Variants in SYNCRIP observed in about 807,000 individuals in gnomAD.
The protein encoded by SYNCRIP is synaptotagmin binding cytoplasmic RNA interacting protein.
In SYNCRIP, 9 loss-of-function variants were observed where a neutral mutation model predicts 68.9. That is an observed-to-expected ratio of 0.13 (90% confidence interval 0.08 to 0.23). SYNCRIP has a LOEUF of 0.23. Ranked by LOEUF, SYNCRIP falls within the 10% of genes least tolerant of loss-of-function variation. The probability of loss-of-function intolerance (pLI) is 1.00; values close to 1 mark genes in which losing one functional copy is unlikely to be tolerated. For missense variants in SYNCRIP, 414 were observed against 770.6 expected (o/e 0.54, Z 5.48); for synonymous variants, 258 against 254.0 (o/e 1.02, Z -0.15).
Position 85,614,124 on chromosome 6 carries a change from C to CT in SYNCRIP, c.*631dup. 3.0e-6 allele frequency: 3 copies of CT among 985,820 alleles called. No individual in the cohort carries two copies. Among genetic ancestry groups the CT allele is most frequent in the Non-Finnish European group, 3.6e-6 (3 of 829,928 alleles). 61.1% of individuals were successfully genotyped at this position (985,820 alleles called of 1,614,324 possible). On this transcript the variant is annotated 3_prime_UTR_variant, in exon 11 of 11. Transcript: ENST00000369622. ...ACAAGAATTAACAAGGCACAAAACC[C>CT]TTTAATTGGCCTTGACATGCTATAC... is the stretch of plus-strand genomic sequence containing the variant.
intron 4 of SYNCRIP, 146 bp downstream of exon 4, chr6:85,640,074 TA>T (rs1489612126): frequency 2.3e-5 from 14 of 619,444 alleles, no homozygotes; most frequent in Non-Finnish European, 3.6e-5. Flanking sequence ...ACAAATAGTT[TA>T]AAAAAACTTA....
intron 8 of SYNCRIP, among the ~76,000 whole-genome samples, chr6:85,621,475 T>TG (rs985995808): frequency 2.0e-5 from 3 of 151,890 alleles, no homozygotes; most frequent in African/African-American, 7.3e-5. Flanking sequence ...TAGCCAGGTG[T>TG]GGTAGTACAC....
rs1452718400 is a variant in SYNCRIP at position 85,641,448 on chromosome 6, A to G, written c.-9T>C. 6.2e-7 allele frequency: 1 copy of G among 1,610,286 alleles called. No homozygotes were observed. The highest frequency in any genetic ancestry group is 1.7e-5 in the Admixed American group (1 of 59,216). ...ACATGTTCTGTAGCCATGTTTCCAG[A>G]GATCTGTTCAAACGCAATAAGCAAA... On this transcript the variant is annotated 5_prime_UTR_variant, in exon 2 of 11. Transcript: ENST00000369622.
At chr6:85,625,055 C>T (rs560510423) in intron 6 of SYNCRIP, among the ~76,000 whole-genome samples, 2 of 152,304 alleles carry the variant, frequency 1.3e-5, no homozygotes, top group South Asian at 4.2e-4. Flanking sequence ...TTCTATTATG[C>T]CCATCCTTGC....
In SYNCRIP at chr6:85,631,721, C is replaced by T. The variant is rs145076992; in HGVS notation, c.666+5246G>A. ...TTAAAGTTATCAGGCTACCTGGTGACGTAACTTGTACAGTTGGCTTAAATT... is the reference window on the plus strand; with the variant it reads ...TTAAAGTTATCAGGCTACCTGGTGATGTAACTTGTACAGTTGGCTTAAATT... On this transcript the variant is annotated intron_variant, in intron 6 of 10. Transcript: ENST00000369622. Among the ~76,000 whole-genome samples the T allele has an allele frequency of 7.9e-5, 12 of 152,304 alleles. 1 individual carries two copies. The East Asian group carries it at 1.5e-3, about 20-fold the overall frequency.
intron 7 of SYNCRIP, among the ~76,000 whole-genome samples, chr6:85,623,562 C>CCAAAAAAAAAAACA (rs572909849): frequency 1.6e-5 from 1 of 63,240 alleles, no homozygotes; most frequent in East Asian, 5.8e-4. Flanking sequence ...AGACTGTCTC[C>CCAAAAAAAAAAACA]AAAAAAAAAA....
In SYNCRIP at chr6:85,619,535, TAA is replaced by T. The variant is rs59858604; in HGVS notation, c.1009-120_1009-119del. ...AATCCATTAGAAGAATGTCAGAATA[TAA>T]AAAAAAAAAAAGTTTTCAACTCCTT... On this transcript the variant is annotated intron_variant, in intron 8 of 10. Coordinates refer to ENST00000369622, the MANE Select transcript of SYNCRIP (RefSeq NM_006372.5). The T allele has an allele frequency of 1.6e-3, 1,168 of 709,874 alleles. 1 individual carries two copies. Among genetic ancestry groups the T allele is most frequent in the South Asian group, 2.1e-3 (76 of 35,842 alleles). The allele number at this position is 709,874 out of a possible 1,614,324, so 44.0% of individuals were successfully genotyped here.
chr6:85,623,583 A>AAAAAAAAAAAAACAAAAAAC (rs1562087872), intron 7 of SYNCRIP, among the ~76,000 whole-genome samples: 1 of 143,892 alleles, frequency 6.9e-6, no homozygotes, highest in African/African-American at 2.5e-5. Context: ...AAAAAAAAAA[A>AAAAAAAAAAAAACAAAAAAC]CACTCTGCTA....
At chr6:85,638,779 ATTT>A (rs542082609) in intron 4 of SYNCRIP, among the ~76,000 whole-genome samples, 5 of 152,196 alleles carry the variant, frequency 3.3e-5, no homozygotes, top group Non-Finnish European at 7.3e-5. Context: ...CTATAAACGG[ATTT>A]TTTAACCTTA....
At chr6:85,641,079 C>T (rs1158554781) in intron 2 of SYNCRIP, among the ~76,000 whole-genome samples, 1 of 152,216 alleles carries the variant, frequency 6.6e-6, no homozygotes, top group African/African-American at 2.4e-5. Flanking sequence ...ATCAGGCCAG[C>T]ATGCAAGCCA....
In SYNCRIP at chr6:85,622,475, T is replaced by C. The variant is rs1806530430; in HGVS notation, c.1008+7A>G. 1 of 1,612,732 alleles carries C rather than the reference T, an allele frequency of 6.2e-7. No homozygotes were observed. Among genetic ancestry groups the C allele is most frequent in the Non-Finnish European group, 8.5e-7 (1 of 1,179,228 alleles). The stretch of plus-strand genomic sequence containing the variant: ...TCAAAAAATATTTTTAACTTGACTA[T>C]CATTACCTTTGCCATAACCTCAGGA... On this transcript the variant is annotated splice_region_variant and intron_variant, in intron 8 of 10. Coordinates refer to ENST00000369622, the MANE Select transcript of SYNCRIP (RefSeq NM_006372.5).
intron 10 of SYNCRIP, 86 bp from the exon 11 acceptor site, chr6:85,615,433 C>G: frequency 2.4e-6 from 2 of 849,110 alleles, no homozygotes; most frequent in Non-Finnish European, 3.5e-6. Flanking sequence ...CAGTTTAAAT[C>G]CAGAGTTTAC....
At chr6:85,638,144 C>T (rs1001485506) in intron 4 of SYNCRIP, among the ~76,000 whole-genome samples, 5 of 152,038 alleles carry the variant, frequency 3.3e-5, no homozygotes, top group African/African-American at 7.2e-5. Flanking sequence ...GAGGCCAAGG[C>T]GGGTGGATCA....
At chr6:85,612,975 T>A (rs1470726547), downstream of SYNCRIP, 2 of 1,535,578 alleles carry the variant, frequency 1.3e-6, no homozygotes, top group Non-Finnish European at 1.8e-6. Context: ...AAATTAATAA[T>A]GTGTACATAC....
At chr6:85,618,546 A>G (rs1434829471) in intron 10 of SYNCRIP, among the ~76,000 whole-genome samples, 1 of 152,072 alleles carries the variant, frequency 6.6e-6, no homozygotes, top group East Asian at 1.9e-4. Context: ...GTCACCCAAT[A>G]CAAAACAAAA....
At position 85,619,425 on chromosome 6, in the gene SYNCRIP, G is replaced by A; in HGVS notation, c.1009-8C>T. The A allele has an allele frequency of 6.2e-7, 1 of 1,608,350 alleles. No individual in the cohort carries two copies. Among genetic ancestry groups the A allele is most frequent in the South Asian group, 1.1e-5 (1 of 89,944 alleles). On this transcript the variant is annotated splice_region_variant and splice_polypyrimidine_tract_variant and intron_variant, in intron 8 of 10. Coordinates refer to ENST00000369622, the MANE Select transcript of SYNCRIP (RefSeq NM_006372.5). ...TACAAACAGCACTTTTACCTAGGGG[G>A]AAGAAAATACCCCCCTGTATTATTT...
At chr6:85,638,219 A>G (rs148535071) in intron 4 of SYNCRIP, among the ~76,000 whole-genome samples, 1 of 151,972 alleles carries the variant, frequency 6.6e-6, no homozygotes, top group Non-Finnish European at 1.5e-5. Context: ...TAAAAATACA[A>G]AAAATTAGCC....
chr6:85,616,444 G>A (rs1805780652), intron 10 of SYNCRIP, among the ~76,000 whole-genome samples: 1 of 152,096 alleles, frequency 6.6e-6, no homozygotes. Context: ...TCCTGCCACA[G>A]CCTCTCGAGT....
At chr6:85,611,360 ATTGT>A (rs1400571596), downstream of SYNCRIP, 1 of 152,554 alleles carries the variant, frequency 6.6e-6, no homozygotes, top group Non-Finnish European at 1.5e-5. Context: ...ATGCAAAATG[ATTGT>A]TTGCCATGAG....
Sources: allele counts gnomAD v4.1 joint callset (sites outside exome capture counted in the v4.1 genomes callset), GRCh38; gene constraint gnomAD v4.1.1; transcripts MANE v1.5; gene names NCBI Gene and HGNC (gene_info 2026-07-23, HGNC 2026-07-21).